ZNF148: variants seen among roughly 807,000 people sequenced by gnomAD.
ZNF148 encodes the protein zinc finger protein 148.
A neutral mutation model predicts 67.7 loss-of-function variants in ZNF148; 7 were observed. The observed-to-expected ratio is 0.10, with a 90% CI of 0.06 to 0.19. The LOEUF is 0.19. Among genes scored for constraint, ZNF148 ranks in the 10% least tolerant of loss-of-function variants. The pLI is 1.00. For missense variants in ZNF148, 583 were observed against 947.1 expected, an observed-to-expected ratio of 0.62 and a Z score of 5.05; for synonymous variants, 333 against 330.7, an observed-to-expected ratio of 1.01 and a Z score of -0.08.
intron 2 of ZNF148, among the ~76,000 whole-genome samples, chr3:125,324,142 T>C (rs1242441722): frequency 6.6e-6 from 1 of 151,930 alleles, no homozygotes; most frequent in East Asian, 1.9e-4. Context: ...GTAACTAACC[T>C]GCACATTGTG....
chr3:125,279,869 T>C (rs1938283832), intron 5 of ZNF148, among the ~76,000 whole-genome samples: 1 of 152,054 alleles, frequency 6.6e-6, no homozygotes. Context: ...AGGATATATA[T>C]ACAGAAGTAT....
intron 4 of ZNF148, among the ~76,000 whole-genome samples, chr3:125,309,723 T>C (rs563399673): frequency 6.6e-6 from 1 of 152,168 alleles, no homozygotes; most frequent in African/African-American, 2.4e-5. Context: ...CATGTATACA[T>C]CTCGTTTGGA....
chr3:125,293,945 GA>G, intron 4 of ZNF148, among the ~76,000 whole-genome samples: 1 of 152,106 alleles, frequency 6.6e-6, no homozygotes, highest in South Asian at 2.1e-4. Flanking sequence ...CAATTATAAA[GA>G]AAAAAACAGT....
intron 4 of ZNF148, among the ~76,000 whole-genome samples, chr3:125,288,890 C>A (rs1239011651): frequency 2.0e-5 from 3 of 152,126 alleles, no homozygotes; most frequent in African/African-American, 7.2e-5. Flanking sequence ...ATGCTAACTA[C>A]ATAATAGAGA....
At chr3:125,282,304 G>A (rs1039447385) in intron 5 of ZNF148, among the ~76,000 whole-genome samples, 1 of 152,072 alleles carries the variant, frequency 6.6e-6, no homozygotes, top group African/African-American at 2.4e-5. Context: ...GTTTGCCTTA[G>A]AGATTAGCAG....
At chr3:125,272,579 A>C (rs1937808136) in intron 7 of ZNF148, among the ~76,000 whole-genome samples, 1 of 152,074 alleles carries the variant, frequency 6.6e-6, no homozygotes, top group Admixed American at 6.5e-5. Flanking sequence ...CTAAACAAAA[A>C]AAATTTAAGT....
chr3:125,342,534 A>C (rs1351593838), intron 1 of ZNF148, among the ~76,000 whole-genome samples: 4 of 152,120 alleles, frequency 2.6e-5, no homozygotes, highest in Non-Finnish European at 5.9e-5. Flanking sequence ...ATATCCAGTG[A>C]AACTGCCCTT....
chr3:125,265,347 C>T (rs1381004669), intron 7 of ZNF148, among the ~76,000 whole-genome samples: 1 of 152,216 alleles, frequency 6.6e-6, no homozygotes, highest in African/African-American at 2.4e-5. Context: ...ATCGCATCTC[C>T]TTAATAACAG....
chr3:125,292,268 A>G (rs1254471623), intron 4 of ZNF148, among the ~76,000 whole-genome samples: 1 of 152,146 alleles, frequency 6.6e-6, no homozygotes, highest in Admixed American at 6.5e-5. Context: ...AAGGAGCTAC[A>G]TTTGTTAGGG....
At chr3:125,264,171 G>A (rs1937469226) in intron 7 of ZNF148, among the ~76,000 whole-genome samples, 1 of 152,220 alleles carries the variant, frequency 6.6e-6, no homozygotes, top group African/African-American at 2.4e-5. Flanking sequence ...AATGGTAAAT[G>A]TAAGTAAAGC....
chr3:125,271,025 A>G (rs1937703435), intron 7 of ZNF148, among the ~76,000 whole-genome samples: 1 of 152,248 alleles, frequency 6.6e-6, no homozygotes, highest in Non-Finnish European at 1.5e-5. Context: ...TGTAATTATG[A>G]GTAAATATTT....
intron 4 of ZNF148, among the ~76,000 whole-genome samples, chr3:125,289,905 C>T (rs1165624857): frequency 1.3e-5 from 2 of 152,086 alleles, no homozygotes; most frequent in African/African-American, 2.4e-5. Flanking sequence ...ATATCTGAAC[C>T]TGTTATTTCC....
intron 4 of ZNF148, among the ~76,000 whole-genome samples, chr3:125,290,327 T>C (rs1010815568): frequency 6.6e-6 from 1 of 152,132 alleles, no homozygotes; most frequent in African/African-American, 2.4e-5. Context: ...TTCTAAAATA[T>C]CTCTTAATTA....
rs1308872010 is a variant in ZNF148, at chr3:125,228,577, C to T, written c.*3764G>A. On this transcript the variant is annotated 3_prime_UTR_variant, in exon 9 of 9. Coordinates refer to ENST00000360647, the MANE Select transcript of ZNF148 (RefSeq NM_021964.3). ...ACATCATATGCCTTCTAACATAAAG[C>T]AGTACTGTGATTTGTTTGTACATAT... 1 of 152,556 alleles carries T rather than the reference C, an allele frequency of 6.6e-6. No individual in the cohort carries two copies. The highest frequency in any genetic ancestry group is 6.6e-5 in the Admixed American group (1 of 15,262). 9.5% of individuals were successfully genotyped at this position (152,556 alleles called of 1,614,324 possible). A position where few individuals can be genotyped will look rare whatever the true frequency, so the allele number is the denominator to read the frequency against.
Position 125,230,913 on chromosome 3 carries a change from C to T in ZNF148, c.*1428G>A, listed in dbSNP as rs1339453663. 6.6e-6 allele frequency: 1 copy of T among 152,194 alleles called. No homozygotes were observed. The highest frequency in any genetic ancestry group is 1.5e-5 in the Non-Finnish European group (1 of 67,902). 9.4% of individuals were successfully genotyped at this position (152,194 alleles called of 1,614,324 possible). A position where few individuals can be genotyped will look rare whatever the true frequency, so the allele number is the denominator to read the frequency against. On this transcript the variant is annotated 3_prime_UTR_variant, in exon 9 of 9. Transcript: ENST00000360647. ...CCAACGCATAACTCAAACCATCATT[C>T]TTCAGAAAAGTGTGTGTGTGTATAT...
Position 125,234,208 on chromosome 3 carries a change from T to C in ZNF148, c.786+3A>G, listed in dbSNP as rs1196986632. On this transcript the variant is annotated splice_donor_region_variant and intron_variant, in intron 8 of 8. Coordinates refer to ENST00000360647, the MANE Select transcript of ZNF148 (RefSeq NM_021964.3). ...TAGAAGAATTTCAAGCCATCTCTCT[T>C]ACCTGTAAACAGTATTCACACTGGT... 6.4e-7 allele frequency: 1 copy of C among 1,567,864 alleles called. No individual in the cohort carries two copies. Among genetic ancestry groups the C allele is most frequent in the Non-Finnish European group, 8.7e-7 (1 of 1,143,012 alleles).
intron 4 of ZNF148, among the ~76,000 whole-genome samples, chr3:125,290,823 G>T (rs960465908): frequency 6.6e-6 from 1 of 152,106 alleles, no homozygotes; most frequent in Non-Finnish European, 1.5e-5. Context: ...ACAGAACAGA[G>T]AATAAGGGTA....
chr3:125,302,772 C>A (rs1274042015), intron 4 of ZNF148, among the ~76,000 whole-genome samples: 4 of 152,146 alleles, frequency 2.6e-5, no homozygotes, highest in African/African-American at 9.7e-5. Context: ...GCAATATGAT[C>A]TTATGTATGG....
intron 4 of ZNF148, chr3:125,310,898 G>GAC (rs1940175082): frequency 4.6e-6 from 1 of 216,386 alleles, no homozygotes; most frequent in Non-Finnish European, 9.9e-6. Context: ...CTGCTCTGAA[G>GAC]AGACACCCAC....
Sources: allele counts gnomAD v4.1 joint callset (sites outside exome capture counted in the v4.1 genomes callset), GRCh38; gene constraint gnomAD v4.1.1; transcripts MANE v1.5; gene names NCBI Gene and HGNC (gene_info 2026-07-23, HGNC 2026-07-21).